The following DCBLD2 variants were observed in gnomAD, a reference collection of about 807,000 sequenced individuals.
DCBLD2 encodes discoidin, CUB and LCCL domain containing 2.
In DCBLD2, 54 loss-of-function variants were observed where a neutral mutation model predicts 86.8. The observed-to-expected ratio is 0.62, with a 90% CI of 0.50 to 0.78. DCBLD2 has a LOEUF of 0.78. DCBLD2 is among the 30% of genes least tolerant of loss of function. DCBLD2 has a pLI of 0.00. For missense variants in DCBLD2, 908 were observed against 954.2 expected, an observed-to-expected ratio of 0.95 and a Z score of 0.64; for synonymous variants, 354 against 341.3, an observed-to-expected ratio of 1.04 and a Z score of -0.41.
In DCBLD2 at chr3:98,865,900, C is replaced by A. The variant is rs1334941459; in HGVS notation, c.433+15640G>T. 1.4e-5 allele frequency among the ~76,000 whole-genome samples: 2 copies of A among 142,336 alleles called. 1 individual carries two copies. Among genetic ancestry groups the A allele is most frequent in the Admixed American group, 1.5e-4 (2 of 13,654 alleles). The allele number at this position is 142,336 out of a possible 152,430, so 93.4% of individuals were successfully genotyped here. A position where few individuals can be genotyped will look rare whatever the true frequency, so the allele number is the denominator to read the frequency against. On this transcript the variant is annotated intron_variant, in intron 2 of 15. Transcript: ENST00000326840. Reference sequence around the variant, plus strand: ...ACAGGCACCGGTGTGTGATGTTCCCCTTCCTGTGTCCAACTGTTCTCATTG... The same window carrying A: ...ACAGGCACCGGTGTGTGATGTTCCCATTCCTGTGTCCAACTGTTCTCATTG...
chr3:98,863,784 A>G (rs577406510), intron 2 of DCBLD2, among the ~76,000 whole-genome samples: 35 of 152,352 alleles, frequency 2.3e-4, no homozygotes, highest in African/African-American at 8.2e-4. Context: ...AGGCAATACC[A>G]TTCAGGACAT....
chr3:98,881,853 T>A, intron 1 of DCBLD2, 86 bp from the exon 2 acceptor site: 1 of 1,309,658 alleles, frequency 7.6e-7, no homozygotes, highest in Non-Finnish European at 1.1e-6. Context: ...TTTAAAAATA[T>A]GCACGACATC....
intron 3 of DCBLD2, among the ~76,000 whole-genome samples, chr3:98,831,636 T>C (rs977121567): frequency 9.2e-5 from 14 of 152,236 alleles, no homozygotes; most frequent in African/African-American, 3.4e-4. Context: ...ATCCCGGAGA[T>C]TCTGGAATGT....
intron 12 of DCBLD2, among the ~76,000 whole-genome samples, chr3:98,809,905 G>T (rs908304741): frequency 2.0e-5 from 3 of 152,172 alleles, no homozygotes; most frequent in Admixed American, 2.0e-4. Flanking sequence ...TTTTCCATAA[G>T]ATTAGTGAGA....
chr3:98,898,926 CT>C lies in DCBLD2; in HGVS notation c.205+2195del, dbSNP rs1189858103. 2.0e-5 allele frequency among the ~76,000 whole-genome samples: 3 copies of C among 152,170 alleles called. No individual in the cohort carries two copies. In the South Asian group the frequency reaches 6.2e-4, roughly 32 times the overall value. On this transcript the variant is annotated intron_variant, in intron 1 of 15. Transcript: ENST00000326840. Reference sequence around the variant, plus strand: ...AATAATCATTTATAGCTATTTTAAGCTTTTCCCTTTGCAAAATTCCTGCATA... The same window carrying C: ...AATAATCATTTATAGCTATTTTAAGCTTTCCCTTTGCAAAATTCCTGCATA...
chr3:98,894,309 T>C (rs755884625), intron 1 of DCBLD2, among the ~76,000 whole-genome samples: 2 of 152,130 alleles, frequency 1.3e-5, no homozygotes. Flanking sequence ...GCTACCTGAA[T>C]GCTCCCCAGC....
chr3:98,870,757 GAAAGAA>G (rs1943257279), intron 2 of DCBLD2, among the ~76,000 whole-genome samples: 2 of 111,438 alleles, frequency 1.8e-5, no homozygotes, highest in Admixed American at 8.9e-5. Flanking sequence ...AAGAAAGAAA[GAAAGAA>G]AGAAAGAAAG....
At chr3:98,871,126 T>C (rs1943276341) in intron 2 of DCBLD2, among the ~76,000 whole-genome samples, 1 of 152,102 alleles carries the variant, frequency 6.6e-6, no homozygotes, top group African/African-American at 2.4e-5. Context: ...CTGATGTGTG[T>C]ATGGTGATTT....
intron 3 of DCBLD2, among the ~76,000 whole-genome samples, chr3:98,836,094 G>T (rs1316692422): frequency 1.4e-5 from 2 of 141,222 alleles, no homozygotes; most frequent in African/African-American, 5.3e-5. Flanking sequence ...ACCTCACCTT[G>T]CAATATTATT....
intron 13 of DCBLD2, 73 bp from the exon 14 acceptor site, chr3:98,801,722 C>G: frequency 8.7e-7 from 1 of 1,145,330 alleles, no homozygotes; most frequent in Non-Finnish European, 1.3e-6. Flanking sequence ...TACCCCATGA[C>G]AGGCCTTGGT....
Position 98,799,289 on chromosome 3 carries a change from A to G in DCBLD2, c.*83T>C. On this transcript the variant is annotated 3_prime_UTR_variant, in exon 16 of 16. Coordinates refer to ENST00000326840, the MANE Select transcript of DCBLD2 (RefSeq NM_080927.4). ...CACTTCAGTGACAGTTATGTAATAC[A>G]TTCTATATATTACTACCACTAATAA... The G allele has an allele frequency of 1.5e-6, 2 of 1,368,520 alleles. No individual in the cohort carries two copies. The highest frequency in any genetic ancestry group is 4.7e-5 in the East Asian group (2 of 42,976). 84.8% of individuals were successfully genotyped at this position (1,368,520 alleles called of 1,614,324 possible).
chr3:98,799,330 C>A lies in DCBLD2; in HGVS notation c.*42G>T. ...CCACTAATAATTAAAAAAAAAAGGC[C>A]ATGTGCTTTAAAACGATGCTTTGTA... is the stretch of plus-strand genomic sequence containing the variant. On this transcript the variant is annotated 3_prime_UTR_variant, in exon 16 of 16. Coordinates refer to ENST00000326840, the MANE Select transcript of DCBLD2 (RefSeq NM_080927.4). 1 of 1,515,100 alleles carries A rather than the reference C, an allele frequency of 6.6e-7. No homozygotes were observed. Among genetic ancestry groups the A allele is most frequent in the Non-Finnish European group, 8.9e-7 (1 of 1,126,694 alleles). 93.9% of individuals were successfully genotyped at this position (1,515,100 alleles called of 1,614,324 possible). A position where few individuals can be genotyped will look rare whatever the true frequency, so the allele number is the denominator to read the frequency against.
At chr3:98,848,433 AC>A (rs1228121912) in intron 3 of DCBLD2, among the ~76,000 whole-genome samples, 5 of 152,206 alleles carry the variant, frequency 3.3e-5, no homozygotes, top group Admixed American at 6.5e-5. Flanking sequence ...ATGAACATAC[AC>A]ATGCTTATGT....
chr3:98,800,932 G>A (rs1457906351), intron 14 of DCBLD2, among the ~76,000 whole-genome samples: 1 of 151,550 alleles, frequency 6.6e-6, no homozygotes, highest in East Asian at 1.9e-4. Flanking sequence ...ACACATGCAG[G>A]CAAATCACTG....
At chr3:98,808,398 A>C (rs190865122) in intron 12 of DCBLD2, among the ~76,000 whole-genome samples, 1 of 152,286 alleles carries the variant, frequency 6.6e-6, no homozygotes, top group Admixed American at 6.5e-5. Flanking sequence ...GAGATGTGAA[A>C]TTTTCCTAAA....
chr3:98,863,722 T>C (rs1301712625), intron 2 of DCBLD2, among the ~76,000 whole-genome samples: 1 of 152,190 alleles, frequency 6.6e-6, no homozygotes, highest in African/African-American at 2.4e-5. Flanking sequence ...TCAAGATGGA[T>C]TAAAGACTTA....
At chr3:98,864,702 T>A (rs1943110727) in intron 2 of DCBLD2, among the ~76,000 whole-genome samples, 1 of 151,758 alleles carries the variant, frequency 6.6e-6, no homozygotes, top group Non-Finnish European at 1.5e-5. Flanking sequence ...TGGGGCCTGT[T>A]GTGGGGTGGG....
intron 12 of DCBLD2, among the ~76,000 whole-genome samples, chr3:98,809,871 A>T (rs1351191366): frequency 6.6e-6 from 1 of 152,232 alleles, no homozygotes; most frequent in Non-Finnish European, 1.5e-5. Flanking sequence ...GAAAGCACTC[A>T]GAATTCACAA....
chr3:98,874,093 C>T (rs1004539109), intron 2 of DCBLD2, among the ~76,000 whole-genome samples: 13 of 152,092 alleles, frequency 8.5e-5, no homozygotes, highest in African/African-American at 2.7e-4. Context: ...AAACAGAGAA[C>T]GTCATTAAGG....
Sources: gnomAD v4.1 joint callset for allele counts (sites outside exome capture counted in the v4.1 genomes callset) on GRCh38, gnomAD v4.1.1 for gene constraint, MANE v1.5 for transcripts, NCBI Gene and HGNC (gene_info 2026-07-23, HGNC 2026-07-21) for gene names.